The following ZNF704 variants were observed in gnomAD, a reference collection of about 807,000 sequenced individuals.
ZNF704 encodes zinc finger protein 704.
A neutral mutation model predicts 44.7 loss-of-function variants in ZNF704; 10 were observed. The ratio of observed to expected loss-of-function variants is 0.22; its 90% CI spans 0.14 to 0.38. The LOEUF is 0.38. ZNF704 is among the 10% of genes least tolerant of loss of function. ZNF704 has a pLI of 1.00. For missense variants in ZNF704, 390 were observed against 545.5 expected (o/e 0.71, Z 2.84); for synonymous variants, 211 against 207.6 (o/e 1.02, Z -0.14).
intron 7 of ZNF704, among the ~76,000 whole-genome samples, chr8:80,645,619 C>T (rs1425952516): frequency 6.6e-6 from 1 of 152,102 alleles, no homozygotes; most frequent in Non-Finnish European, 1.5e-5. Flanking sequence ...TTGTTTTATG[C>T]CCATTCCTGC....
intron 2 of ZNF704, 116 bp from the exon 3 acceptor site, chr8:80,693,223 T>G (rs1037122037): frequency 2.4e-6 from 2 of 821,980 alleles, no homozygotes; most frequent in Non-Finnish European, 2.0e-6. Flanking sequence ...GAACAACCGA[T>G]GTTCTGTTAG....
At chr8:80,729,446 T>C (rs1806538492) in intron 2 of ZNF704, among the ~76,000 whole-genome samples, 2 of 152,278 alleles carry the variant, frequency 1.3e-5, no homozygotes, top group Middle Eastern at 3.4e-3. Context: ...ACCTACTGCC[T>C]GGCGTGCAGA....
intron 2 of ZNF704, among the ~76,000 whole-genome samples, chr8:80,798,685 C>T (rs557638458): frequency 6.6e-6 from 1 of 152,250 alleles, no homozygotes; most frequent in African/African-American, 2.4e-5. Context: ...GCCTGCTCCT[C>T]GAAATTCTTC....
chr8:80,717,969 C>G (rs1222159760), intron 2 of ZNF704, among the ~76,000 whole-genome samples: 3 of 152,194 alleles, frequency 2.0e-5, no homozygotes, highest in Non-Finnish European at 4.4e-5. Flanking sequence ...TGCAAAGGTG[C>G]ATTTTTCTAG....
chr8:80,685,556 C>T (rs1818521545), intron 4 of ZNF704, among the ~76,000 whole-genome samples: 1 of 152,206 alleles, frequency 6.6e-6, no homozygotes, highest in Admixed American at 6.5e-5. Flanking sequence ...ATACAAGTGC[C>T]AGCCTCTCTC....
chr8:80,763,816 A>C (rs1299142384), intron 2 of ZNF704, among the ~76,000 whole-genome samples: 1 of 152,196 alleles, frequency 6.6e-6, no homozygotes, highest in African/African-American at 2.4e-5. Context: ...TTTGCTGCTC[A>C]GAAATTTCTT....
rs375031147 is a variant in ZNF704 at position 80,664,954 on chromosome 8, G to A, written c.788C>T (p.Ala263Val). The A allele has an allele frequency of 1.9e-6, 3 of 1,613,654 alleles. No individual in the cohort carries two copies. In the African/African-American group the frequency reaches 4.0e-5, roughly 22 times the overall value. The part of the protein sequence containing the change: ...LAPVSPSQSL[A>V]SPPTFPIPDS... Reference sequence around the variant, plus strand: ...TGGGATGGGGAAAGTAGGAGGTGAAGCCAGGGACTGGGAAGGTGAGACCGG... The same window carrying A: ...TGGGATGGGGAAAGTAGGAGGTGAAACCAGGGACTGGGAAGGTGAGACCGG... Residue 263 changes from alanine to valine, a missense_variant, in exon 6 of 9, where the codon GCT (alanine) becomes GTT (valine). Physicochemically the swap from Ala to Val is moderately conservative, Grantham distance 64. Coordinates refer to ENST00000327835, the MANE Select transcript of ZNF704 (RefSeq NM_001033723.3).
chr8:80,815,692 T>G (rs1387649155), intron 2 of ZNF704, among the ~76,000 whole-genome samples: 1 of 152,242 alleles, frequency 6.6e-6, no homozygotes, highest in Admixed American at 6.5e-5. Flanking sequence ...GGTCTGTCAT[T>G]GGTGAAATAT....
chr8:80,722,824 A>C (rs1264846760), intron 2 of ZNF704, among the ~76,000 whole-genome samples: 1 of 152,144 alleles, frequency 6.6e-6, no homozygotes, highest in Admixed American at 6.5e-5. Context: ...ACTCTCTCCC[A>C]CTTTAAGAAA....
At chr8:80,881,415 T>C in the ZNF704 span, among the ~76,000 whole-genome samples, 1 of 152,160 alleles carries the variant, frequency 6.6e-6, no homozygotes, top group Non-Finnish European at 1.5e-5. Context: ...GAACAAGCTA[T>C]AAAATACTTT....
chr8:80,664,730 T>G (rs7018449), intron 6 of ZNF704, 85 bp downstream of exon 6: 6 of 1,536,194 alleles, frequency 3.9e-6, no homozygotes, highest in South Asian at 3.6e-5. Context: ...GTTTTTCCAC[T>G]GAGTTGTCTT....
chr8:80,682,001 T>C (rs1818460504), intron 4 of ZNF704, among the ~76,000 whole-genome samples: 1 of 152,234 alleles, frequency 6.6e-6, no homozygotes, highest in Admixed American at 6.5e-5. Flanking sequence ...ACCATCACCA[T>C]GAAATCCATG....
At chr8:80,864,596 T>C (rs1351007148) in intron 1 of ZNF704, among the ~76,000 whole-genome samples, 1 of 152,214 alleles carries the variant, frequency 6.6e-6, no homozygotes, top group Non-Finnish European at 1.5e-5. Context: ...CTTTTCTCCG[T>C]GTCTAGACAT....
intron 2 of ZNF704, among the ~76,000 whole-genome samples, chr8:80,757,937 G>GC (rs1563543279): frequency 6.6e-6 from 1 of 152,094 alleles, no homozygotes; most frequent in African/African-American, 2.4e-5. Context: ...GCCTAATGAC[G>GC]CATTTCTCAG....
At chr8:80,782,313 C>A (rs1047213212) in intron 2 of ZNF704, among the ~76,000 whole-genome samples, 1 of 152,174 alleles carries the variant, frequency 6.6e-6, no homozygotes, top group African/African-American at 2.4e-5. Flanking sequence ...TAATTGTCTG[C>A]ATTTACATTT....
chr8:80,682,932 TGCACAGAATCCAGAATC>T (rs1818476986), intron 4 of ZNF704, among the ~76,000 whole-genome samples: 1 of 152,198 alleles, frequency 6.6e-6, no homozygotes, highest in Admixed American at 6.5e-5. Context: ...AATTTTGGAA[TGCACAGAATCCAGAATC>T]TGACAGAATC....
intron 2 of ZNF704, among the ~76,000 whole-genome samples, chr8:80,700,349 C>T (rs1818789690): frequency 6.6e-6 from 1 of 152,164 alleles, no homozygotes; most frequent in African/African-American, 2.4e-5. Flanking sequence ...ATCCCCAAAA[C>T]CTCCATTTAT....
At chr8:80,745,358 G>A (rs902692062) in intron 2 of ZNF704, among the ~76,000 whole-genome samples, 2 of 152,090 alleles carry the variant, frequency 1.3e-5, no homozygotes, top group South Asian at 2.1e-4. Flanking sequence ...GAAATTTCAC[G>A]GAATTCCCAA....
At chr8:80,665,129 C>G in intron 5 of ZNF704, 47 bp from the exon 6 acceptor site, 1 of 1,596,260 alleles carries the variant, frequency 6.3e-7, no homozygotes, top group East Asian at 2.2e-5. Context: ...AATCTGTTTT[C>G]TTGCCTTGAA....
Sources: gnomAD v4.1 joint callset for allele counts (sites outside exome capture counted in the v4.1 genomes callset) on GRCh38, gnomAD v4.1.1 for gene constraint, MANE v1.5 for transcripts, NCBI Gene and HGNC (gene_info 2026-07-23, HGNC 2026-07-21) for gene names.